The following NIPAL2 variants were observed in gnomAD, a reference collection of about 807,000 sequenced individuals.
The protein encoded by NIPAL2 is NIPA like domain containing 2, also known as NIPA-like protein 2.
NIPAL2 carries 43 observed loss-of-function variants against 48.9 expected under a neutral mutation model. That is an observed-to-expected ratio of 0.88 (90% CI 0.69 to 1.13). The LOEUF is 1.13. Ranked by LOEUF, NIPAL2 falls within the 50% of genes most tolerant of loss-of-function variation. The pLI, the probability that NIPAL2 is intolerant of heterozygous loss-of-function variation, is 0.00. For missense variants in NIPAL2, 446 were observed against 461.4 expected (o/e 0.97, Z 0.31); for synonymous variants, 167 against 174.6 (o/e 0.96, Z 0.34).
At chr8:98,216,469 A>T (rs1354840826) in intron 5 of NIPAL2, among the ~76,000 whole-genome samples, 2 of 152,230 alleles carry the variant, frequency 1.3e-5, no homozygotes, top group Admixed American at 1.3e-4. Flanking sequence ...ATTTGCATTC[A>T]GACAATAAAG....
At position 98,293,097 on chromosome 8, in the gene NIPAL2, T is replaced by G. The variant is rs544981971; in HGVS notation, c.135+906A>C. ...TAGAACACTTCAGGCATAAAAGGAA[T>G]CCAGATCTTTGATAATTGGTTAAAC... is the stretch of plus-strand genomic sequence containing the variant. On this transcript the variant is annotated intron_variant, in intron 1 of 10. Coordinates refer to ENST00000430223, the MANE Select transcript of NIPAL2 (RefSeq NM_001321635.2). 3.9e-5 allele frequency among the ~76,000 whole-genome samples: 6 copies of G among 152,346 alleles called. 1 individual carries two copies. In the South Asian group the frequency reaches 1.2e-3, roughly 32 times the overall value.
At chr8:98,211,711 TGAGAGA>T (rs35032754) in intron 6 of NIPAL2, among the ~76,000 whole-genome samples, 3 of 126,834 alleles carry the variant, frequency 2.4e-5, no homozygotes, top group East Asian at 2.3e-4. Context: ...TATATATGAG[TGAGAGA>T]GAGAGAGAGA....
rs550575949 is a variant in NIPAL2, at chr8:98,195,667, C to T, written c.944+275G>A. ...TCTGATACAGTACAGAAAGGTCGTGCAGTAACTACAAGGGCCAGTGGATGT... is the reference window on the plus strand; with the variant it reads ...TCTGATACAGTACAGAAAGGTCGTGTAGTAACTACAAGGGCCAGTGGATGT... On this transcript the variant is annotated intron_variant, in intron 9 of 10. Coordinates refer to ENST00000430223, the MANE Select transcript of NIPAL2 (RefSeq NM_001321635.2). 3.0e-4 allele frequency: 95 copies of T among 314,348 alleles called. 2 individuals are homozygous for T. Among genetic ancestry groups the T allele is most frequent in the South Asian group, 2.9e-3 (89 of 30,314 alleles). The allele number at this position is 314,348 out of a possible 1,614,324, so 19.5% of individuals were successfully genotyped here. A position where few individuals can be genotyped will look rare whatever the true frequency, so the allele number is the denominator to read the frequency against.
intron 4 of NIPAL2, among the ~76,000 whole-genome samples, chr8:98,227,536 C>T (rs941911060): frequency 2.0e-5 from 3 of 152,246 alleles, no homozygotes; most frequent in East Asian, 1.9e-4. Flanking sequence ...CAGGGTGTGT[C>T]GAGAAATGTC....
intron 1 of NIPAL2, among the ~76,000 whole-genome samples, chr8:98,260,742 A>G (rs1402163001): frequency 3.3e-5 from 5 of 152,266 alleles, no homozygotes; most frequent in African/African-American, 1.2e-4. Context: ...AGGTAAACAA[A>G]GCAGCCGGGA....
At chr8:98,286,980 T>C (rs1048129571) in intron 1 of NIPAL2, among the ~76,000 whole-genome samples, 1 of 151,980 alleles carries the variant, frequency 6.6e-6, no homozygotes, top group African/African-American at 2.4e-5. Context: ...GACGCTTTGG[T>C]GGGCCATGAC....
chr8:98,242,254 G>T (rs1051495583), intron 3 of NIPAL2, among the ~76,000 whole-genome samples: 1 of 148,068 alleles, frequency 6.8e-6, no homozygotes, highest in East Asian at 2.1e-4. Flanking sequence ...ACCATGGCTC[G>T]CTGCAGCCTC....
intron 3 of NIPAL2, among the ~76,000 whole-genome samples, chr8:98,249,698 T>C (rs1813488238): frequency 6.8e-6 from 1 of 147,228 alleles, no homozygotes; most frequent in Non-Finnish European, 1.5e-5. Context: ...TCAATATAAT[T>C]ATATTAAATA....
In NIPAL2 at chr8:98,205,661, T is replaced by G. The variant is rs536491885; in HGVS notation, c.656-415A>C. ...ATAACTATTAAACTATACTGAAAAT[T>G]TAAAAACCAAGTAGATGAGAAGACT... is the stretch of plus-strand genomic sequence containing the variant. On this transcript the variant is annotated intron_variant, in intron 6 of 10. Coordinates refer to ENST00000430223, the MANE Select transcript of NIPAL2 (RefSeq NM_001321635.2). Among the ~76,000 whole-genome samples the G allele has an allele frequency of 3.3e-5, 5 of 152,190 alleles. No individual in the cohort carries two copies. The South Asian group carries it at 1.0e-3, about 32-fold the overall frequency.
At chr8:98,241,359 C>A (rs1299137100) in intron 3 of NIPAL2, among the ~76,000 whole-genome samples, 2 of 152,180 alleles carry the variant, frequency 1.3e-5, no homozygotes, top group African/African-American at 4.8e-5. Context: ...TGCTCTTTTC[C>A]ACACACAATT....
chr8:98,260,635 C>T (rs1483820816), intron 1 of NIPAL2, among the ~76,000 whole-genome samples: 5 of 152,224 alleles, frequency 3.3e-5, no homozygotes, highest in Non-Finnish European at 1.5e-5. Flanking sequence ...CCTACGCCCA[C>T]GGAGTCTCGC....
At chr8:98,250,003 C>T (rs7016162) in intron 3 of NIPAL2, among the ~76,000 whole-genome samples, 2,163 of 151,852 alleles carry the variant, frequency 0.014, 47 homozygotes, top group African/African-American at 0.049. Flanking sequence ...TTGGTGTGAA[C>T]CAGACTGTCT....
chr8:98,269,642 G>C (rs768136420), intron 1 of NIPAL2, among the ~76,000 whole-genome samples: 13 of 151,930 alleles, frequency 8.6e-5, no homozygotes, highest in Non-Finnish European at 1.9e-4. Flanking sequence ...TGTTATTTTT[G>C]GTTATTGTTT....
At chr8:98,274,519 A>T (rs1407029575) in intron 1 of NIPAL2, among the ~76,000 whole-genome samples, 1 of 152,014 alleles carries the variant, frequency 6.6e-6, no homozygotes, top group Non-Finnish European at 1.5e-5. Flanking sequence ...TTATCTCCTC[A>T]GTTAATTGTT....
chr8:98,287,096 G>A (rs1023337804), intron 1 of NIPAL2, among the ~76,000 whole-genome samples: 3 of 151,942 alleles, frequency 2.0e-5, no homozygotes, highest in South Asian at 2.1e-4. Context: ...GAGGAATATC[G>A]GTCTTTCAGG....
At chr8:98,241,813 G>C (rs1170508106) in intron 3 of NIPAL2, among the ~76,000 whole-genome samples, 1 of 146,108 alleles carries the variant, frequency 6.8e-6, no homozygotes, top group African/African-American at 2.5e-5. Flanking sequence ...TTAAGGGTTT[G>C]ACACGGAATA....
Position 98,247,301 on chromosome 8 carries a change from G to A in NIPAL2, c.376+5162C>T, listed in dbSNP as rs140038331. ...GCAGGCTGCATTTTGTGATTTCCCC[G>A]TGCTGTGCTCTCCCAGGAAGGGCAA... On this transcript the variant is annotated intron_variant, in intron 3 of 10. Coordinates refer to ENST00000430223, the MANE Select transcript of NIPAL2 (RefSeq NM_001321635.2). Among the ~76,000 whole-genome samples, 347 of 152,220 alleles carry A rather than the reference G, an allele frequency of 2.3e-3. 1 individual carries two copies. The highest frequency in any genetic ancestry group is 7.6e-3 in the African/African-American group (316 of 41,532).
rs530554822 is a variant in NIPAL2 at position 98,230,040 on chromosome 8, G to T, written c.436+6115C>A. Reference sequence around the variant, plus strand: ...GAGTCACAGAAGAAATAACTATTTTGCCTGGGATTTTCCAGCTAAGAAGAG... The same window carrying T: ...GAGTCACAGAAGAAATAACTATTTTTCCTGGGATTTTCCAGCTAAGAAGAG... On this transcript the variant is annotated intron_variant, in intron 4 of 10. Transcript: ENST00000430223. Among the ~76,000 whole-genome samples, 5 of 152,106 alleles carry T rather than the reference G, an allele frequency of 3.3e-5. No individual in the cohort carries two copies. In the South Asian group the frequency reaches 1.0e-3, roughly 32 times the overall value.
chr8:98,228,540 T>G (rs1649628889), intron 4 of NIPAL2, among the ~76,000 whole-genome samples: 1 of 152,124 alleles, frequency 6.6e-6, no homozygotes, highest in African/African-American at 2.4e-5. Flanking sequence ...AGGTACAAAT[T>G]AAGTCATCAT....
Sources: allele counts gnomAD v4.1 joint callset (sites outside exome capture counted in the v4.1 genomes callset), GRCh38; gene constraint gnomAD v4.1.1; transcripts MANE v1.5; gene names NCBI Gene and HGNC (gene_info 2026-07-23, HGNC 2026-07-21).